EPG5: variants seen among roughly 807,000 people sequenced by gnomAD.
The protein encoded by EPG5 is ectopic P granules protein 5 homolog.
In EPG5, 159 loss-of-function variants were observed where a neutral mutation model predicts 302.7. That is an observed-to-expected ratio of 0.53 (90% CI 0.46 to 0.60). The LOEUF (loss-of-function observed/expected upper bound fraction) is 0.60, where lower values mean the gene tolerates loss of function less well. EPG5 is among the 20% of genes least tolerant of loss of function. The pLI is 0.00. For synonymous variants in EPG5, 1,158 were observed against 1,136.8 expected, an observed-to-expected ratio of 1.02 and a Z score of -0.37; for missense variants, 2,896 against 3,092.4, an observed-to-expected ratio of 0.94 and a Z score of 1.51.
chr18:45,964,584 C>T (rs1224721264), intron 1 of EPG5, among the ~76,000 whole-genome samples: 1 of 151,738 alleles, frequency 6.6e-6, no homozygotes, highest in Non-Finnish European at 1.5e-5. Context: ...GTTTAGGGAT[C>T]TTATGCATAG....
intron 1 of EPG5, among the ~76,000 whole-genome samples, chr18:45,964,733 C>T (rs975441285): frequency 6.6e-6 from 1 of 151,996 alleles, no homozygotes; most frequent in Non-Finnish European, 1.5e-5. Context: ...TGTGGGAGGC[C>T]GAGGTGGGCA....
At chr18:45,886,919 A>C (rs1190519974) in intron 29 of EPG5, among the ~76,000 whole-genome samples, 1 of 152,168 alleles carries the variant, frequency 6.6e-6, no homozygotes, top group Non-Finnish European at 1.5e-5. Context: ...CAGCCTCCCA[A>C]AGTGCTGGGA....
chr18:45,923,252 G>T lies in EPG5; in HGVS notation c.2838+16C>A. 6.2e-7 allele frequency: 1 copy of T among 1,611,010 alleles called. No individual in the cohort carries two copies. The highest frequency in any genetic ancestry group is 2.2e-5 in the East Asian group (1 of 44,816). ...GATAAAGATTCATGTTTCCAAATCA[G>T]AAGAGAAGGAAATACCTGCTTCATA... On this transcript the variant is annotated intron_variant, in intron 15 of 43. Coordinates refer to ENST00000282041, the MANE Select transcript of EPG5 (RefSeq NM_020964.3).
chr18:45,900,404 C>CAAAAAAAA (rs375366452), intron 26 of EPG5, among the ~76,000 whole-genome samples: 1 of 111,978 alleles, frequency 8.9e-6, no homozygotes, highest in African/African-American at 3.8e-5. Flanking sequence ...GACTCTGTCT[C>CAAAAAAAA]AAAAAAAAAA....
the EPG5 span, among the ~76,000 whole-genome samples, chr18:45,841,844 G>A: frequency 3.3e-5 from 5 of 152,190 alleles, no homozygotes; most frequent in Non-Finnish European, 5.9e-5. Flanking sequence ...ATTCCGATTT[G>A]TAGGTCAGGG....
At chr18:45,869,328 A>T (rs1193599861) in intron 36 of EPG5, among the ~76,000 whole-genome samples, 1 of 152,140 alleles carries the variant, frequency 6.6e-6, no homozygotes, top group East Asian at 1.9e-4. Flanking sequence ...ATGATTCTTC[A>T]TTGTCCATTA....
intron 36 of EPG5, 128 bp downstream of exon 36, chr18:45,870,439 G>C (rs778650560): frequency 3.0e-6 from 2 of 675,514 alleles, no homozygotes; most frequent in Non-Finnish European, 2.2e-6. Flanking sequence ...GCACCACCGA[G>C]GCAACACAGA....
intron 34 of EPG5, among the ~76,000 whole-genome samples, chr18:45,877,107 A>C (rs1400334945): frequency 6.6e-6 from 1 of 152,080 alleles, no homozygotes; most frequent in African/African-American, 2.4e-5. Flanking sequence ...TATATGAAAA[A>C]TTTAATTGGC....
chr18:45,872,381 G>A (rs1347822390), intron 35 of EPG5, among the ~76,000 whole-genome samples: 1 of 152,326 alleles, frequency 6.6e-6, no homozygotes, highest in South Asian at 2.1e-4. Context: ...ACAGAAACCT[G>A]ATGGTTTCTC....
chr18:45,837,209 G>T, the EPG5 span: 3 of 1,455,176 alleles, frequency 2.1e-6, no homozygotes, highest in African/African-American at 2.9e-5. Flanking sequence ...AAGAATATGG[G>T]GTCAAGGGGC....
At chr18:45,901,959 T>C (rs72918340) in intron 25 of EPG5, among the ~76,000 whole-genome samples, 3 of 152,058 alleles carry the variant, frequency 2.0e-5, no homozygotes, top group Non-Finnish European at 4.4e-5. Flanking sequence ...CACCACACTA[T>C]ACACATACCA....
chr18:45,845,645 G>C (rs1268440451), downstream of EPG5, among the ~76,000 whole-genome samples: 1 of 152,230 alleles, frequency 6.6e-6, no homozygotes, highest in Non-Finnish European at 1.5e-5. Context: ...GAGTCAAGGA[G>C]AGAAATGACC....
At chr18:45,837,804 C>A in the EPG5 span, 2 of 1,526,628 alleles carry the variant, frequency 1.3e-6, no homozygotes, top group East Asian at 2.6e-5. Context: ...CTCGCCCTGG[C>A]TGACGACCGC....
intron 28 of EPG5, 51 bp downstream of exon 28, chr18:45,889,747 T>G: frequency 1.3e-6 from 2 of 1,541,028 alleles, no homozygotes; most frequent in African/African-American, 2.7e-5. Context: ...GTATGATTAC[T>G]ATTCATGATA....
chr18:45,939,283 G>GT (rs964758670), intron 10 of EPG5, among the ~76,000 whole-genome samples: 3 of 151,908 alleles, frequency 2.0e-5, no homozygotes, highest in Non-Finnish European at 4.4e-5. Flanking sequence ...ACTGCAGTGG[G>GT]TATGTGATAG....
chr18:45,830,752 A>ATTTTTTTTTTT, the EPG5 span, among the ~76,000 whole-genome samples: 97 of 117,980 alleles, frequency 8.2e-4, no homozygotes, highest in East Asian at 2.0e-3. Context: ...TGCCAGGCTA[A>ATTTTTTTTTTT]TTTTTTTTTT....
At chr18:45,956,549 T>A (rs1011734451) in intron 1 of EPG5, among the ~76,000 whole-genome samples, 1 of 151,930 alleles carries the variant, frequency 6.6e-6, no homozygotes, top group Admixed American at 6.6e-5. Flanking sequence ...CTCCGCCTCC[T>A]GGGTTCAAGC....
intron 28 of EPG5, among the ~76,000 whole-genome samples, 190 bp from the exon 29 acceptor site, chr18:45,888,097 CTTT>C (rs962250811): frequency 2.1e-5 from 3 of 145,490 alleles, no homozygotes; most frequent in African/African-American, 7.5e-5. Flanking sequence ...AACTGATTTT[CTTT>C]TTTTTTTTCT....
At chr18:45,949,327 GAACTTTTATA>G (rs1460238094) in intron 5 of EPG5, among the ~76,000 whole-genome samples, 147 bp downstream of exon 5, 1 of 152,068 alleles carries the variant, frequency 6.6e-6, no homozygotes. Context: ...TTCAGTCTAA[GAACTTTTATA>G]AATGTATACT....
Sources: allele counts gnomAD v4.1 joint callset (sites outside exome capture counted in the v4.1 genomes callset), GRCh38; gene constraint gnomAD v4.1.1; transcripts MANE v1.5; gene names NCBI Gene and HGNC (gene_info 2026-07-23, HGNC 2026-07-21).